The following NKD1 variants were observed in gnomAD, a reference collection of about 807,000 sequenced individuals.
The protein encoded by NKD1 is NKD inhibitor of Wnt signaling pathway 1, also known as protein naked cuticle homolog 1.
NKD1 carries 21 observed loss-of-function variants against 56.0 expected under a neutral mutation model. That is an observed-to-expected ratio of 0.38 (90% CI 0.27 to 0.54). The LOEUF (loss-of-function observed/expected upper bound fraction) is 0.54. Among genes scored for constraint, NKD1 ranks in the 20% least tolerant of loss-of-function variants. The pLI is 0.82. For missense variants in NKD1, 578 were observed against 642.7 expected (o/e 0.90, Z 1.09); for synonymous variants, 263 against 265.7 (o/e 0.99, Z 0.10).
At chr16:50,605,188 G>A (rs1961678754) in intron 3 of NKD1, among the ~76,000 whole-genome samples, 1 of 152,210 alleles carries the variant, frequency 6.6e-6, no homozygotes, top group African/African-American at 2.4e-5. Context: ...AGGGCTGTGG[G>A]GAGGCCATTC....
intron 4 of NKD1, among the ~76,000 whole-genome samples, chr16:50,621,258 G>A (rs994786257): frequency 7.2e-5 from 11 of 152,206 alleles, no homozygotes; most frequent in East Asian, 3.9e-4. Flanking sequence ...AAGCTCCCTC[G>A]CTGGGCTCCA....
intron 3 of NKD1, chr16:50,562,293 C>T (rs1315834680): frequency 7.1e-6 from 7 of 982,576 alleles, no homozygotes; most frequent in Non-Finnish European, 8.5e-6. Flanking sequence ...AAAGTCTATT[C>T]AGGCCTGTGT....
intron 3 of NKD1, among the ~76,000 whole-genome samples, chr16:50,589,541 T>G (rs1215052345): frequency 6.6e-6 from 1 of 152,166 alleles, no homozygotes. Context: ...GACAGGGCTG[T>G]GCCTTGCTAG....
intron 3 of NKD1, among the ~76,000 whole-genome samples, chr16:50,600,561 A>G (rs1203071206): frequency 2.6e-5 from 4 of 152,180 alleles, no homozygotes; most frequent in African/African-American, 9.7e-5. Context: ...GAGAGAGCCA[A>G]TTTAAAGAGA....
intron 4 of NKD1, among the ~76,000 whole-genome samples, chr16:50,621,140 G>T (rs527792741): frequency 1.1e-4 from 16 of 152,244 alleles, no homozygotes; most frequent in Non-Finnish European, 1.9e-4. Flanking sequence ...ACTCCTCCTG[G>T]CCATCCACCA....
At chr16:50,603,033 C>T (rs1414275993) in intron 3 of NKD1, among the ~76,000 whole-genome samples, 1 of 152,192 alleles carries the variant, frequency 6.6e-6, no homozygotes, top group East Asian at 1.9e-4. Context: ...TGAGAATGTT[C>T]CCGAGCCTGT....
chr16:50,618,939 G>T (rs908688818), intron 4 of NKD1, among the ~76,000 whole-genome samples: 8 of 152,244 alleles, frequency 5.3e-5, no homozygotes, highest in Non-Finnish European at 1.5e-5. Context: ...AGGGAAGACA[G>T]GCTGTCCGTG....
Position 50,643,635 on chromosome 16 carries a change from C to T in NKD1, c.*9854C>T, listed in dbSNP as rs1962622651. The stretch of plus-strand genomic sequence containing the variant: ...TTACATCTTATAAAGTCACCTCTGA[C>T]ACTGAGTTAGCGCATACTGAACTAC... On this transcript the variant is annotated 3_prime_UTR_variant, in exon 10 of 10. Transcript: ENST00000268459. The T allele has an allele frequency of 6.6e-6, 1 of 152,248 alleles. No homozygotes were observed. Among genetic ancestry groups the T allele is most frequent in the African/African-American group, 2.4e-5 (1 of 41,462 alleles). The allele number at this position is 152,248 out of a possible 1,614,324, so 9.4% of individuals were successfully genotyped here. A position where few individuals can be genotyped will look rare whatever the true frequency, so the allele number is the denominator to read the frequency against.
At chr16:50,631,741 C>T (rs560238727) in intron 8 of NKD1, among the ~76,000 whole-genome samples, 1 of 152,320 alleles carries the variant, frequency 6.6e-6, no homozygotes, top group Non-Finnish European at 1.5e-5. Flanking sequence ...CTGGCAGCAT[C>T]TCTCCCCACC....
intron 4 of NKD1, 67 bp from the exon 5 acceptor site, chr16:50,621,535 G>C (rs571870583): frequency 2.7e-6 from 3 of 1,110,374 alleles, no homozygotes; most frequent in Admixed American, 3.8e-5. Context: ...GGACAAAGGT[G>C]CAGTGAGCAT....
chr16:50,603,463 T>C (rs1961642136), intron 3 of NKD1, among the ~76,000 whole-genome samples: 1 of 152,196 alleles, frequency 6.6e-6, no homozygotes, highest in Non-Finnish European at 1.5e-5. Context: ...GGTTACAGGG[T>C]GGCCTAGGCC....
At position 50,645,581 on chromosome 16, in the gene NKD1, G is replaced by C. The variant is rs905017561; in HGVS notation, c.*11800G>C. 1 of 152,218 alleles carries C rather than the reference G, an allele frequency of 6.6e-6. No homozygotes were observed. The highest frequency in any genetic ancestry group is 2.4e-5 in the African/African-American group (1 of 41,436). The allele number at this position is 152,218 out of a possible 1,614,324, so 9.4% of individuals were successfully genotyped here. ...GACACATCAGGAAGCTAGGTGGTCA[G>C]TCGGGAGAGAGAGGATGTGACACTC... is the stretch of plus-strand genomic sequence containing the variant. On this transcript the variant is annotated 3_prime_UTR_variant, in exon 10 of 10. Coordinates refer to ENST00000268459, the MANE Select transcript of NKD1 (RefSeq NM_033119.5).
intron 3 of NKD1, chr16:50,608,012 C>T (rs372991796): frequency 3.5e-5 from 15 of 423,302 alleles, no homozygotes; most frequent in East Asian, 3.3e-4. Context: ...GGCTGGTTTC[C>T]GGAAGGCATG....
chr16:50,602,712 T>C (rs1254065842), intron 3 of NKD1, among the ~76,000 whole-genome samples: 1 of 152,222 alleles, frequency 6.6e-6, no homozygotes, highest in Admixed American at 6.5e-5. Flanking sequence ...TGCTCTCCTC[T>C]GTGTACAGGT....
intron 3 of NKD1, among the ~76,000 whole-genome samples, chr16:50,594,646 A>G (rs1392381771): frequency 6.6e-6 from 1 of 152,184 alleles, no homozygotes; most frequent in Non-Finnish European, 1.5e-5. Flanking sequence ...GTTTGTCGTG[A>G]CAGGAGGTAT....
At position 50,623,861 on chromosome 16, in the gene NKD1, TG is replaced by T. The variant is rs1962150409; in HGVS notation, c.367-1623del. Among the ~76,000 whole-genome samples, 2 of 151,734 alleles carry T rather than the reference TG, an allele frequency of 1.3e-5. No individual in the cohort carries two copies. Among genetic ancestry groups the T allele is most frequent in the Non-Finnish European group, 1.5e-5 (1 of 67,912 alleles). On this transcript the variant is annotated intron_variant, in intron 5 of 9. Coordinates refer to ENST00000268459, the MANE Select transcript of NKD1 (RefSeq NM_033119.5). The surrounding 1 kb of genome is among the most constrained non-coding windows in gnomAD (Gnocchi z 4.1). ...GTGTGTAGGGGTATGCGTGTGTGTG[TG>T]TGTGTAGGGGTATGTATGTAGGCAC...
chr16:50,563,191 G>A lies in NKD1; in HGVS notation c.192+13636G>A, dbSNP rs909206351. ...ATTTTATTTGAATGAATTTAAATGT[G>A]AACTTAAATAGCCCCATGAGGCTAG... On this transcript the variant is annotated intron_variant, in intron 3 of 9. Coordinates refer to ENST00000268459, the MANE Select transcript of NKD1 (RefSeq NM_033119.5). Among the ~76,000 whole-genome samples the A allele has an allele frequency of 3.3e-5, 5 of 152,254 alleles. No homozygotes were observed. The East Asian group carries it at 9.6e-4, about 29-fold the overall frequency.
rs976943037 is a variant in NKD1, at chr16:50,632,150, A to C, written c.696-131A>C. 191 of 822,466 alleles carry C rather than the reference A, an allele frequency of 2.3e-4. 3 individuals carry two copies. The Admixed American group carries it at 4.9e-3, about 21-fold the overall frequency. The allele number at this position is 822,466 out of a possible 1,614,324, so 50.9% of individuals were successfully genotyped here. ...TTCGTATAGAGGACTGTTCCTCCCCACCCTCTCCAAAGGCCAAGAAGGAAA... is the reference window on the plus strand; with the variant it reads ...TTCGTATAGAGGACTGTTCCTCCCCCCCCTCTCCAAAGGCCAAGAAGGAAA... On this transcript the variant is annotated intron_variant, in intron 8 of 9. Transcript: ENST00000268459. This position sits in a 1 kb window ranked among gnomAD's most constrained non-coding sequence, Gnocchi z 4.1.
chr16:50,556,661 A>G lies in NKD1; in HGVS notation c.192+7106A>G, dbSNP rs563770326. 4 of 152,100 alleles carry G rather than the reference A, an allele frequency of 2.6e-5. No individual in the cohort carries two copies. The South Asian group carries it at 6.2e-4, about 24-fold the overall frequency. 9.4% of individuals were successfully genotyped at this position (152,100 alleles called of 1,614,324 possible). On this transcript the variant is annotated intron_variant, in intron 3 of 9. Transcript: ENST00000268459. Reference sequence around the variant, plus strand: ...TGGGCTTCAGATTCTCCAGCTGAGAAGTAGAATAACATCATGATAATTTAG... The same window carrying G: ...TGGGCTTCAGATTCTCCAGCTGAGAGGTAGAATAACATCATGATAATTTAG...
Sources: allele counts gnomAD v4.1 joint callset (sites outside exome capture counted in the v4.1 genomes callset), GRCh38; gene constraint gnomAD v4.1.1; non-coding constraint Gnocchi (gnomAD v3.1); transcripts MANE v1.5; gene names NCBI Gene and HGNC (gene_info 2026-07-23, HGNC 2026-07-21).